Variants in CTNNA1 observed in about 807,000 individuals in gnomAD.
CTNNA1 encodes the protein catenin alpha-1.
In CTNNA1, 37 loss-of-function variants were observed where a neutral mutation model predicts 98.4. The ratio of observed to expected loss-of-function variants is 0.38; its 90% confidence interval spans 0.29 to 0.49. The LOEUF is 0.49. Among genes scored for constraint, CTNNA1 ranks in the 20% least tolerant of loss-of-function variants. The pLI is 0.95. For synonymous variants in CTNNA1, 404 were observed against 413.2 expected (o/e 0.98, Z 0.27); for missense variants, 761 against 1,147.2 (o/e 0.66, Z 4.86).
At chr5:138,812,394 C>T (rs1260650489) in intron 5 of CTNNA1, 92 bp downstream of exon 5, 8 of 1,366,774 alleles carry the variant, frequency 5.9e-6, no homozygotes, top group African/African-American at 2.9e-5. Context: ...AGTACCATTA[C>T]TTACCTTCGC....
At chr5:138,804,357 C>G (rs1054965391) in intron 3 of CTNNA1, among the ~76,000 whole-genome samples, 1 of 107,640 alleles carries the variant, frequency 9.3e-6, no homozygotes, top group Non-Finnish European at 2.0e-5. Flanking sequence ...GTGCACAATT[C>G]AGTGGTTTTT....
chr5:138,763,108 T>G (rs903656266), intron 1 of CTNNA1, among the ~76,000 whole-genome samples: 11 of 152,146 alleles, frequency 7.2e-5, no homozygotes, highest in South Asian at 4.2e-4. Context: ...TGTTTTTTTT[T>G]GTCAGTATTT....
intron 10 of CTNNA1, among the ~76,000 whole-genome samples, chr5:138,914,043 G>A (rs1174520864): frequency 6.6e-6 from 1 of 152,146 alleles, no homozygotes; most frequent in African/African-American, 2.4e-5. Context: ...TCCAAATTTA[G>A]TAAGAGTAAT....
chr5:138,933,039 C>T, intron 17 of CTNNA1: 1 of 755,314 alleles, frequency 1.3e-6, no homozygotes, highest in Non-Finnish European at 2.4e-6. Flanking sequence ...GAGGCTGAGA[C>T]ACAATAATTA....
intron 13 of CTNNA1, among the ~76,000 whole-genome samples, chr5:138,927,569 A>G (rs563725225): frequency 6.7e-6 from 1 of 149,196 alleles, no homozygotes; most frequent in East Asian, 2.0e-4. Flanking sequence ...TGCTTTCTTC[A>G]TAGCACTGGT....
At chr5:138,837,986 T>C (rs752121890) in intron 7 of CTNNA1, among the ~76,000 whole-genome samples, 5 of 151,816 alleles carry the variant, frequency 3.3e-5, no homozygotes, top group Non-Finnish European at 5.9e-5. Context: ...TGGTCCTTTA[T>C]AGAAACTTGC....
At chr5:138,811,311 A>G (rs1226589257) in intron 4 of CTNNA1, among the ~76,000 whole-genome samples, 1 of 126,008 alleles carries the variant, frequency 7.9e-6, no homozygotes, top group Non-Finnish European at 1.7e-5. Context: ...CCCACATCTC[A>G]GACGATGGGC....
chr5:138,777,033 C>G (rs1273197232), intron 1 of CTNNA1, among the ~76,000 whole-genome samples: 1 of 152,024 alleles, frequency 6.6e-6, no homozygotes, highest in African/African-American at 2.4e-5. Flanking sequence ...GGGTGGCTGC[C>G]GGGCAGAGAC....
intron 1 of CTNNA1, among the ~76,000 whole-genome samples, chr5:138,767,283 A>G (rs825675): frequency 0.74 from 112,383 of 152,092 alleles, 41,773 homozygotes; most frequent in East Asian, 0.99. Flanking sequence ...TGATCTGCCC[A>G]CCTTGGACTC....
intron 1 of CTNNA1, among the ~76,000 whole-genome samples, chr5:138,762,639 T>C (rs1752490576): frequency 6.6e-6 from 1 of 151,836 alleles, no homozygotes; most frequent in South Asian, 2.1e-4. Context: ...ATTTAATTTG[T>C]GGTTTTTTTT....
At chr5:138,892,537 C>A (rs1581522914) in intron 9 of CTNNA1, among the ~76,000 whole-genome samples, 1 of 151,384 alleles carries the variant, frequency 6.6e-6, no homozygotes, top group East Asian at 2.0e-4. Context: ...GGAGTTTCAG[C>A]ATGTTGGCCA....
intron 8 of CTNNA1, among the ~76,000 whole-genome samples, chr5:138,887,242 A>G (rs751612312): frequency 1.3e-4 from 20 of 152,134 alleles, no homozygotes; most frequent in Non-Finnish European, 2.8e-4. Context: ...AAAAAAGGAT[A>G]TTGTCTTAAG....
At chr5:138,796,558 A>AGT (rs75515782) in intron 3 of CTNNA1, among the ~76,000 whole-genome samples, 103,057 of 144,116 alleles carry the variant, frequency 0.72, 36,601 homozygotes, top group East Asian at 0.98. Flanking sequence ...AAAAAAAAAA[A>AGT]AGTAGTAGGT....
intron 1 of CTNNA1, 103 bp from the exon 2 acceptor site, chr5:138,781,820 T>C: frequency 1.9e-6 from 2 of 1,068,366 alleles, no homozygotes; most frequent in Non-Finnish European, 2.6e-6. Flanking sequence ...CTATAGTGAA[T>C]ATAGCTTTCC....
chr5:138,830,333 G>T (rs1181094442), intron 7 of CTNNA1, among the ~76,000 whole-genome samples: 2 of 152,244 alleles, frequency 1.3e-5, no homozygotes, highest in Non-Finnish European at 2.9e-5. Flanking sequence ...CTGCACTCCA[G>T]CCTGGGCGAC....
At chr5:138,840,130 G>A (rs939678407) in intron 7 of CTNNA1, among the ~76,000 whole-genome samples, 3 of 152,126 alleles carry the variant, frequency 2.0e-5, no homozygotes, top group Admixed American at 1.3e-4. Context: ...TATAATGGGT[G>A]GTGTTATTAA....
chr5:138,878,724 T>A (rs535421714), intron 7 of CTNNA1, among the ~76,000 whole-genome samples: 2 of 152,262 alleles, frequency 1.3e-5, no homozygotes, highest in Admixed American at 1.3e-4. Context: ...ATTCATGAAA[T>A]TTCCTGTTCT....
intron 7 of CTNNA1, among the ~76,000 whole-genome samples, chr5:138,836,518 T>C (rs952437851): frequency 6.6e-6 from 1 of 152,264 alleles, no homozygotes; most frequent in African/African-American, 2.4e-5. Flanking sequence ...ATTTATGAGC[T>C]ATCCTGGCAT....
Position 138,859,054 on chromosome 5 carries a change from A to G in CTNNA1, c.1063-27158A>G, listed in dbSNP as rs928243183. Among the ~76,000 whole-genome samples, 4 of 152,364 alleles carry G rather than the reference A, an allele frequency of 2.6e-5. No homozygotes were observed. In the South Asian group the frequency reaches 6.2e-4, roughly 24 times the overall value. The stretch of plus-strand genomic sequence containing the variant: ...CAGCTTATTTGCCAGCTTACTTGGC[A>G]TGGAGCATAGTATGATTGATGGGCT... On this transcript the variant is annotated intron_variant, in intron 7 of 17. Coordinates refer to ENST00000302763, the MANE Select transcript of CTNNA1 (RefSeq NM_001903.5).
Sources: gnomAD v4.1 joint callset for allele counts (sites outside exome capture counted in the v4.1 genomes callset) on GRCh38, gnomAD v4.1.1 for gene constraint, MANE v1.5 for transcripts, NCBI Gene and HGNC (gene_info 2026-07-23, HGNC 2026-07-21) for gene names.